The following TPST1 variants were observed in gnomAD, a reference collection of about 807,000 sequenced individuals.
TPST1 encodes the protein tyrosylprotein sulfotransferase 1.
TPST1 carries 20 observed loss-of-function variants against 34.8 expected under a neutral mutation model. That is an observed-to-expected ratio of 0.57 (90% CI 0.40 to 0.84). The LOEUF (loss-of-function observed/expected upper bound fraction) is 0.84, where lower values mean the gene tolerates loss of function less well. TPST1 is among the 40% of genes least tolerant of loss of function. The pLI is 0.00. For missense variants in TPST1, 353 were observed against 455.5 expected (o/e 0.78, Z 2.05); for synonymous variants, 152 against 159.4 (o/e 0.95, Z 0.35).
chr7:66,209,138 TGGTG>T (rs1789192971), intron 1 of TPST1, among the ~76,000 whole-genome samples: 1 of 151,760 alleles, frequency 6.6e-6, no homozygotes, highest in African/African-American at 2.4e-5. Context: ...CCGGGCGTGG[TGGTG>T]GGCGCCTGTA....
chr7:66,270,122 T>A (rs1790676598), intron 2 of TPST1, among the ~76,000 whole-genome samples: 1 of 151,972 alleles, frequency 6.6e-6, no homozygotes, highest in African/African-American at 2.4e-5. Context: ...CAAGTAGATA[T>A]TACAGGAAGG....
Position 66,237,829 on chromosome 7 carries a change from T to A in TPST1, c.-101-2496T>A, listed in dbSNP as rs568378522. Among the ~76,000 whole-genome samples the A allele has an allele frequency of 2.6e-5, 4 of 152,096 alleles. No homozygotes were observed. In the South Asian group the frequency reaches 8.3e-4, roughly 32 times the overall value. The stretch of plus-strand genomic sequence containing the variant: ...CACAGGGCAGTTGGGCAGAGATGAG[T>A]TGATGTTGCAGTCTTGTTCCCGGAC... On this transcript the variant is annotated intron_variant, in intron 1 of 5. Transcript: ENST00000304842.
chr7:66,239,416 C>T (rs1789980897), intron 1 of TPST1, among the ~76,000 whole-genome samples: 1 of 152,170 alleles, frequency 6.6e-6, no homozygotes, highest in African/African-American at 2.4e-5. Context: ...GTTTACATAT[C>T]TGTCTGTCAA....
At chr7:66,358,107 G>T (rs1333002160) in intron 5 of TPST1, among the ~76,000 whole-genome samples, 1 of 151,738 alleles carries the variant, frequency 6.6e-6, no homozygotes, top group African/African-American at 2.4e-5. Flanking sequence ...TTGGCTGGGC[G>T]TGGTGGTGGG....
intron 3 of TPST1, among the ~76,000 whole-genome samples, chr7:66,341,417 G>A (rs573260288): frequency 1.1e-4 from 17 of 152,202 alleles, no homozygotes; most frequent in African/African-American, 4.1e-4. Context: ...AGCTGGGATT[G>A]CAGGCACCCA....
Position 66,280,614 on chromosome 7 carries a change from A to C in TPST1, c.846-5897A>C, listed in dbSNP as rs1253006302. 2.0e-5 allele frequency among the ~76,000 whole-genome samples: 3 copies of C among 152,066 alleles called. No individual in the cohort carries two copies. In the East Asian group the frequency reaches 5.8e-4, roughly 29 times the overall value. On this transcript the variant is annotated intron_variant, in intron 2 of 5. Coordinates refer to ENST00000304842, the MANE Select transcript of TPST1 (RefSeq NM_003596.4). ...CTTCCTGGATGCCTTTATTTTTCTT[A>C]CTACTCTATCTAGGACTTCCAGTAC...
chr7:66,226,367 G>A (rs1789656455), intron 1 of TPST1, among the ~76,000 whole-genome samples: 1 of 152,132 alleles, frequency 6.6e-6, no homozygotes, highest in Non-Finnish European at 1.5e-5. Context: ...AAGATTTAGA[G>A]AAGTCACGAG....
chr7:66,246,501 G>T (rs780822443), intron 2 of TPST1, among the ~76,000 whole-genome samples: 7 of 152,168 alleles, frequency 4.6e-5, no homozygotes, highest in Non-Finnish European at 7.3e-5. Context: ...TTGAGAAGAA[G>T]CAGAACCAGA....
intron 4 of TPST1, among the ~76,000 whole-genome samples, chr7:66,355,451 G>C (rs1792563321): frequency 6.6e-6 from 1 of 151,450 alleles, no homozygotes; most frequent in African/African-American, 2.4e-5. Context: ...CTCCAGCCTG[G>C]GAAAGATTGC....
In TPST1 at chr7:66,286,510, G is replaced by T; in HGVS notation, c.846-1G>T. The T allele has an allele frequency of 6.4e-7, 1 of 1,574,324 alleles. No individual in the cohort carries two copies. Among genetic ancestry groups the T allele is most frequent in the Non-Finnish European group, 8.6e-7 (1 of 1,159,688 alleles). On this transcript the variant is annotated splice_acceptor_variant, in intron 2 of 5. Coordinates refer to ENST00000304842, the MANE Select transcript of TPST1 (RefSeq NM_003596.4). LOFTEE classifies it high-confidence loss of function. ...ATTTATTCATATTATGTTGTTTTCA[G>T]AGTGGAGAGATCTACAGACCAAGTA...
intron 1 of TPST1, among the ~76,000 whole-genome samples, chr7:66,227,028 C>CTTTCTTTT (rs1789670271): frequency 1.4e-5 from 1 of 69,200 alleles, no homozygotes; most frequent in Admixed American, 2.3e-4. Flanking sequence ...TTAAAATAAG[C>CTTTCTTTT]TTTTTTTTTT....
At chr7:66,295,963 C>G (rs1791183600) in intron 3 of TPST1, among the ~76,000 whole-genome samples, 1 of 152,130 alleles carries the variant, frequency 6.6e-6, no homozygotes, top group Non-Finnish European at 1.5e-5. Context: ...TTTGTGAGCT[C>G]TTTGTAATTG....
intron 1 of TPST1, among the ~76,000 whole-genome samples, chr7:66,227,908 A>G (rs1584151249): frequency 1.3e-5 from 2 of 152,322 alleles, no homozygotes; most frequent in South Asian, 2.1e-4. Flanking sequence ...AATAGTTATC[A>G]TAGTAATATA....
intron 1 of TPST1, among the ~76,000 whole-genome samples, chr7:66,227,028 C>CTTTTGTTTT (rs1789670352): frequency 1.4e-5 from 1 of 69,200 alleles, no homozygotes; most frequent in African/African-American, 6.7e-5. Context: ...TTAAAATAAG[C>CTTTTGTTTT]TTTTTTTTTT....
At position 66,271,994 on chromosome 7, in the gene TPST1, G is replaced by A. The variant is rs76773656; in HGVS notation, c.846-14517G>A. Among the ~76,000 whole-genome samples the A allele has an allele frequency of 5.3e-5, 8 of 152,186 alleles. No homozygotes were observed. In the East Asian group the frequency reaches 1.5e-3, roughly 29 times the overall value. On this transcript the variant is annotated intron_variant, in intron 2 of 5. Transcript: ENST00000304842. Reference sequence around the variant, plus strand: ...AGTAGATTCTTCAGAAAGTGTCTGTGGGAACAATATTCTCTGAGTTTGTAA... The same window carrying A: ...AGTAGATTCTTCAGAAAGTGTCTGTAGGAACAATATTCTCTGAGTTTGTAA...
intron 1 of TPST1, among the ~76,000 whole-genome samples, chr7:66,221,971 A>G (rs1458124013): frequency 6.6e-6 from 1 of 152,156 alleles, no homozygotes; most frequent in African/African-American, 2.4e-5. Context: ...CTGTTTATTC[A>G]TAGTTCCTTG....
intron 3 of TPST1, among the ~76,000 whole-genome samples, chr7:66,313,969 A>G (rs1395650731): frequency 6.6e-6 from 1 of 152,120 alleles, no homozygotes; most frequent in East Asian, 1.9e-4. Flanking sequence ...TCTGTCTTCC[A>G]TGATACTGAT....
At chr7:66,314,315 G>A (rs777216169) in intron 3 of TPST1, among the ~76,000 whole-genome samples, 3 of 152,142 alleles carry the variant, frequency 2.0e-5, no homozygotes, top group African/African-American at 4.8e-5. Context: ...CAGGAGGATC[G>A]CTTAAGCCCA....
intron 2 of TPST1, among the ~76,000 whole-genome samples, chr7:66,252,068 T>G (rs1488407567): frequency 6.6e-6 from 1 of 152,204 alleles, no homozygotes; most frequent in East Asian, 1.9e-4. Context: ...TTTTCTTTTT[T>G]GTTTTTTGAG....
Sources: allele counts gnomAD v4.1 joint callset (sites outside exome capture counted in the v4.1 genomes callset), GRCh38; gene constraint gnomAD v4.1.1; transcripts MANE v1.5; gene names NCBI Gene and HGNC (gene_info 2026-07-23, HGNC 2026-07-21).